Variants in LINGO2 observed in about 807,000 individuals in gnomAD.
The protein encoded by LINGO2 is leucine rich repeat and Ig domain containing 2, also known as leucine-rich repeat and immunoglobulin-like domain-containing nogo receptor-interacting protein 2.
LINGO2 carries 14 observed loss-of-function variants against 30.6 expected under a neutral mutation model. That is an observed-to-expected ratio of 0.46 (90% CI 0.30 to 0.72). The LOEUF is 0.72. Among genes scored for constraint, LINGO2 ranks in the 30% least tolerant of loss-of-function variants. The pLI, the probability that LINGO2 is intolerant of heterozygous loss-of-function variation, is 0.07. For missense variants in LINGO2, 729 were observed against 751.7 expected, an observed-to-expected ratio of 0.97 and a Z score of 0.35; for synonymous variants, 317 against 288.5, an observed-to-expected ratio of 1.10 and a Z score of -1.00.
At chr9:28,983,935 A>T in the LINGO2 span, among the ~76,000 whole-genome samples, 1 of 152,028 alleles carries the variant, frequency 6.6e-6, no homozygotes, top group Admixed American at 6.6e-5. Context: ...CTGTATCTGG[A>T]GGCTTTACAA....
intron 5 of LINGO2, among the ~76,000 whole-genome samples, chr9:27,965,317 T>C (rs1820046549): frequency 6.6e-6 from 1 of 152,028 alleles, no homozygotes; most frequent in Non-Finnish European, 1.5e-5. Flanking sequence ...AACTTTTACC[T>C]TATACTTCTC....
At chr9:28,256,640 G>C (rs1327569648) in intron 4 of LINGO2, among the ~76,000 whole-genome samples, 1 of 151,912 alleles carries the variant, frequency 6.6e-6, no homozygotes, top group African/African-American at 2.4e-5. Flanking sequence ...AGCTATGAGA[G>C]TGGGAAAAGA....
rs530759079 is a variant in LINGO2 at position 28,338,081 on chromosome 9, G to A, written c.-246+34755C>T. ...CTCAATGCCAGCCTATGAAAGAACC[G>A]AGAAGGGGAGATGTACCTGGCAAAG... On this transcript the variant is annotated intron_variant, in intron 3 of 5. Transcript: ENST00000379992. Among the ~76,000 whole-genome samples the A allele has an allele frequency of 3.8e-4, 58 of 152,266 alleles. 1 individual carries two copies. The East Asian group carries it at 9.3e-3, about 24-fold the overall frequency.
At chr9:28,379,517 G>A (rs777925920) in intron 2 of LINGO2, among the ~76,000 whole-genome samples, 23 of 151,942 alleles carry the variant, frequency 1.5e-4, no homozygotes, top group East Asian at 1.9e-4. Flanking sequence ...GTTAAATTTC[G>A]AGTACTCCCC....
chr9:28,751,870 C>T, the LINGO2 span, among the ~76,000 whole-genome samples: 1 of 151,910 alleles, frequency 6.6e-6, no homozygotes, highest in Non-Finnish European at 1.5e-5. Flanking sequence ...ACACCCATGA[C>T]GATATTCTTG....
intron 1 of LINGO2, among the ~76,000 whole-genome samples, chr9:28,515,233 G>A (rs558841176): frequency 1.2e-3 from 163 of 136,902 alleles, no homozygotes; most frequent in African/African-American, 4.1e-3. Context: ...TTGAGATGGA[G>A]TCTCGCTCTG....
Position 28,365,179 on chromosome 9 carries a change from G to C in LINGO2, c.-246+7657C>G, listed in dbSNP as rs73645656. 9.4e-3 allele frequency among the ~76,000 whole-genome samples: 1,437 copies of C among 152,252 alleles called. 18 individuals carry two copies. The highest frequency in any genetic ancestry group is 0.032 in the African/African-American group (1,349 of 41,542). ...TAGTCTAGTCAGTGTGCTGCAGAGA[G>C]GGGAGAGAGTGGGAGAGGGATGATG... On this transcript the variant is annotated intron_variant, in intron 3 of 5. Coordinates refer to ENST00000379992, the Ensembl canonical transcript of LINGO2.
chr9:29,129,459 G>T, the LINGO2 span, among the ~76,000 whole-genome samples: 1 of 152,056 alleles, frequency 6.6e-6, no homozygotes, highest in Admixed American at 6.6e-5. Context: ...AAAGCGTTAT[G>T]ATATGGGGAA....
chr9:28,565,206 A>G (rs569995917), intron 1 of LINGO2, among the ~76,000 whole-genome samples: 3 of 152,262 alleles, frequency 2.0e-5, no homozygotes, highest in Admixed American at 2.0e-4. Flanking sequence ...AAATAGGAAT[A>G]TATATAAGTC....
intron 4 of LINGO2, among the ~76,000 whole-genome samples, chr9:28,079,179 C>T (rs758327817): frequency 5.9e-5 from 9 of 151,994 alleles, no homozygotes; most frequent in Non-Finnish European, 1.2e-4. Flanking sequence ...ACAATCCCAA[C>T]TGCCTAAAAA....
chr9:28,083,791 A>G (rs1825836481), intron 4 of LINGO2, among the ~76,000 whole-genome samples: 1 of 152,154 alleles, frequency 6.6e-6, no homozygotes, highest in African/African-American at 2.4e-5. Context: ...AATCAATAGT[A>G]TTATTTTTTT....
chr9:28,009,562 G>A (rs1201397647), intron 5 of LINGO2, among the ~76,000 whole-genome samples: 2 of 151,996 alleles, frequency 1.3e-5, no homozygotes, highest in Non-Finnish European at 2.9e-5. Context: ...GATCTGAATA[G>A]ATATGTCTCC....
chr9:28,203,868 A>G (rs534728083), intron 4 of LINGO2, among the ~76,000 whole-genome samples: 1 of 152,296 alleles, frequency 6.6e-6, no homozygotes, highest in South Asian at 2.1e-4. Context: ...AGCAAACCCA[A>G]AAATGGATTA....
chr9:28,785,872 G>T, the LINGO2 span, among the ~76,000 whole-genome samples: 1 of 152,196 alleles, frequency 6.6e-6, no homozygotes, highest in South Asian at 2.1e-4. Context: ...TAGACCTACA[G>T]TTTGTCAAAA....
chr9:28,510,638 T>C (rs898632574), intron 1 of LINGO2, among the ~76,000 whole-genome samples: 20 of 151,926 alleles, frequency 1.3e-4, no homozygotes, highest in African/African-American at 4.6e-4. Flanking sequence ...ATGAATGGCC[T>C]GTGCAGCGCA....
chr9:29,083,349 C>T, the LINGO2 span, among the ~76,000 whole-genome samples: 3,321 of 152,078 alleles, frequency 0.022, 117 homozygotes, highest in African/African-American at 0.075. Flanking sequence ...AACCAAACAC[C>T]GCATGTTCTC....
intron 2 of LINGO2, among the ~76,000 whole-genome samples, chr9:28,403,085 A>G (rs1410601439): frequency 6.6e-6 from 1 of 152,172 alleles, no homozygotes; most frequent in Admixed American, 6.5e-5. Flanking sequence ...GATAACTTTG[A>G]TAATTAGTCA....
chr9:28,791,784 TAA>T, the LINGO2 span, among the ~76,000 whole-genome samples: 2 of 151,894 alleles, frequency 1.3e-5, no homozygotes, highest in Non-Finnish European at 2.9e-5. Context: ...AGTATGGAGA[TAA>T]GTTTAAAGTA....
the LINGO2 span, among the ~76,000 whole-genome samples, chr9:28,973,075 G>T: frequency 6.6e-6 from 1 of 152,104 alleles, no homozygotes; most frequent in Non-Finnish European, 1.5e-5. Flanking sequence ...TGAGTTTTCA[G>T]CCTAAAGGGG....
Sources: allele counts gnomAD v4.1 joint callset (sites outside exome capture counted in the v4.1 genomes callset), GRCh38; gene constraint gnomAD v4.1.1; transcripts MANE v1.5; gene names NCBI Gene and HGNC (gene_info 2026-07-23, HGNC 2026-07-21).